COL28A1: variants seen among roughly 807,000 people sequenced by gnomAD.
COL28A1 encodes collagen alpha-1(XXVIII) chain.
COL28A1 carries 161 observed loss-of-function variants against 150.2 expected under a neutral mutation model. The ratio of observed to expected loss-of-function variants is 1.07; its 90% confidence interval spans 0.94 to 1.22. COL28A1 has a LOEUF of 1.22. Among genes scored for constraint, COL28A1 ranks in the 50% most tolerant of loss-of-function variants. COL28A1 has a pLI of 0.00. For synonymous variants in COL28A1, 552 were observed against 469.7 expected (o/e 1.18, Z -2.26); for missense variants, 1,617 against 1,388.3 (o/e 1.16, Z -2.62).
intron 33 of COL28A1, among the ~76,000 whole-genome samples, chr7:7,362,740 G>A (rs1455578370): frequency 6.6e-6 from 1 of 152,092 alleles, no homozygotes; most frequent in African/African-American, 2.4e-5. Context: ...GATTACTTGA[G>A]GTTCCTCTTT....
At chr7:7,456,175 C>T in intron 15 of COL28A1, 63 bp from the exon 16 acceptor site, 4 of 1,558,916 alleles carry the variant, frequency 2.6e-6, no homozygotes, top group Non-Finnish European at 3.5e-6. Context: ...TCATACTTTG[C>T]TAACCTGGAA....
intron 15 of COL28A1, among the ~76,000 whole-genome samples, chr7:7,462,619 G>C (rs1354757887): frequency 6.6e-6 from 1 of 152,196 alleles, no homozygotes; most frequent in African/African-American, 2.4e-5. Flanking sequence ...AACACTTTGG[G>C]AGGCCGAGGC....
chr7:7,363,785 A>C (rs2128279683), intron 33 of COL28A1, among the ~76,000 whole-genome samples: 1 of 151,768 alleles, frequency 6.6e-6, no homozygotes, highest in East Asian at 1.9e-4. Flanking sequence ...TTTCACCATG[A>C]CTCTATAACA....
chr7:7,521,413 A>G (rs1202959365), intron 5 of COL28A1, among the ~76,000 whole-genome samples: 1 of 152,146 alleles, frequency 6.6e-6, no homozygotes, highest in Non-Finnish European at 1.5e-5. Context: ...CTTCCATTTC[A>G]CAGAACTCAC....
the COL28A1 span, among the ~76,000 whole-genome samples, chr7:7,344,063 C>G: frequency 6.6e-6 from 1 of 151,770 alleles, no homozygotes; most frequent in South Asian, 2.1e-4. Flanking sequence ...TTCTTACATT[C>G]ATGTTTCTTA....
At position 7,508,137 on chromosome 7, in the gene COL28A1, C is replaced by A. The variant is rs1268223745; in HGVS notation, c.928-976G>T. ...GTCCCAGCTACTGGGGAGGCTGAGG[C>A]AGGAGAATAGCGTGAACCCGGGAGG... is the stretch of plus-strand genomic sequence containing the variant. On this transcript the variant is annotated intron_variant, in intron 9 of 34. Transcript: ENST00000399429. 2.0e-5 allele frequency among the ~76,000 whole-genome samples: 3 copies of A among 151,516 alleles called. No individual in the cohort carries two copies. In the East Asian group the frequency reaches 5.8e-4, roughly 29 times the overall value.
intron 27 of COL28A1, among the ~76,000 whole-genome samples, chr7:7,414,346 A>G (rs1783949750): frequency 6.6e-6 from 1 of 152,230 alleles, no homozygotes; most frequent in African/African-American, 2.4e-5. Flanking sequence ...CTGAAAGTCC[A>G]AGGCCATTTT....
chr7:7,388,741 A>G (rs1782355822), intron 27 of COL28A1, among the ~76,000 whole-genome samples: 1 of 152,162 alleles, frequency 6.6e-6, no homozygotes, highest in Admixed American at 6.5e-5. Context: ...TTTGATTGGC[A>G]TTTCTCTAAT....
intron 25 of COL28A1, 193 bp from the exon 26 acceptor site, chr7:7,420,146 T>G (rs1784320049): frequency 5.3e-6 from 2 of 378,050 alleles, no homozygotes; most frequent in South Asian, 1.9e-4. Context: ...TTCAAATTAA[T>G]CAAGTCAATT....
chr7:7,471,005 A>G (rs1788366168), intron 15 of COL28A1, among the ~76,000 whole-genome samples: 1 of 143,504 alleles, frequency 7.0e-6, no homozygotes, highest in Non-Finnish European at 1.5e-5. Context: ...AGATATACCT[A>G]ATGCTAGATG....
chr7:7,383,275 TGTGTGTGTGTGTG>T (rs1562512158), intron 27 of COL28A1, among the ~76,000 whole-genome samples: 1 of 141,056 alleles, frequency 7.1e-6, no homozygotes, highest in African/African-American at 2.9e-5. Context: ...TGTGTGTGTG[TGTGTGTGTGTGTG>T]TTTTTTTTGA....
Position 7,444,653 on chromosome 7 carries a change from C to A in COL28A1, c.1510-164G>T, listed in dbSNP as rs76456375. On this transcript the variant is annotated intron_variant, in intron 18 of 34. Transcript: ENST00000399429. ...TGGGAAGCTACTTAACATCCCTAGGCCTTAGTTTTTGATTCTATTTTTATG... is the reference window on the plus strand; with the variant it reads ...TGGGAAGCTACTTAACATCCCTAGGACTTAGTTTTTGATTCTATTTTTATG... Among the ~76,000 whole-genome samples the A allele has an allele frequency of 8.7e-3, 1,326 of 151,888 alleles. 10 individuals are homozygous for A. The highest frequency in any genetic ancestry group is 0.034 in the Middle Eastern group (10 of 292).
At chr7:7,372,017 G>A (rs1002086403) in intron 32 of COL28A1, among the ~76,000 whole-genome samples, 1 of 151,778 alleles carries the variant, frequency 6.6e-6, no homozygotes, top group Non-Finnish European at 1.5e-5. Context: ...ATTTTTAGTA[G>A]AGACGAGGTT....
chr7:7,352,749 A>G (rs959018963), downstream of COL28A1, among the ~76,000 whole-genome samples: 2 of 152,202 alleles, frequency 1.3e-5, no homozygotes, highest in Non-Finnish European at 2.9e-5. Context: ...AAATTATAAC[A>G]TAACACATTG....
At chr7:7,456,746 G>C (rs1787201852) in intron 15 of COL28A1, among the ~76,000 whole-genome samples, 1 of 152,190 alleles carries the variant, frequency 6.6e-6, no homozygotes, top group African/African-American at 2.4e-5. Flanking sequence ...GAAAACAACA[G>C]TGACCAAAAC....
intron 33 of COL28A1, among the ~76,000 whole-genome samples, chr7:7,361,678 G>C (rs894222444): frequency 1.3e-5 from 2 of 152,052 alleles, no homozygotes; most frequent in African/African-American, 4.8e-5. Context: ...CCCATTTTTT[G>C]ATAGAGTTTT....
At chr7:7,436,523 T>A in intron 22 of COL28A1, 60 bp from the exon 23 acceptor site, 2 of 893,712 alleles carry the variant, frequency 2.2e-6, no homozygotes, top group Admixed American at 1.7e-5. Flanking sequence ...CAAGCACACA[T>A]AGCAAAAAAA....
chr7:7,508,181 G>A (rs544554827), intron 9 of COL28A1, among the ~76,000 whole-genome samples: 1 of 151,316 alleles, frequency 6.6e-6, no homozygotes, highest in Non-Finnish European at 1.5e-5. Flanking sequence ...GCAGTGAGCT[G>A]AGATCGCGCC....
At position 7,444,432 on chromosome 7, in the gene COL28A1, C is replaced by T. The variant is rs1786088931; in HGVS notation, c.1567G>A (p.Ala523Thr). Residue 523 changes from alanine (A) to threonine (T), a missense_variant, in exon 19 of 35, where the codon GCT becomes ACT. Physicochemically the swap from Ala to Thr is moderately conservative, Grantham distance 58 (BLOSUM62 0). Transcript: ENST00000399429. ...CTTGGTGTTACCTTCTTCCCTGCAG[C>T]TCCATCTTCTCCTGGTACTCCTGGT... ...GQPGVPGEDG[A>T]AGKKGEAGLP... 2 of 1,614,024 alleles carry T rather than the reference C, an allele frequency of 1.2e-6. No homozygotes were observed. The highest frequency in any genetic ancestry group is 1.7e-6 in the Non-Finnish European group (2 of 1,179,964).
Sources: allele counts gnomAD v4.1 joint callset (sites outside exome capture counted in the v4.1 genomes callset), GRCh38; gene constraint gnomAD v4.1.1; transcripts MANE v1.5; gene names NCBI Gene and HGNC (gene_info 2026-07-23, HGNC 2026-07-21).